NRXN1: variants seen among roughly 807,000 people sequenced by gnomAD.
NRXN1 encodes the protein neurexin 1.
In NRXN1, 39 loss-of-function variants were observed where a neutral mutation model predicts 150.9. That is an observed-to-expected ratio of 0.26 (90% CI 0.20 to 0.34). NRXN1 has a LOEUF of 0.34. Among genes scored for constraint, NRXN1 ranks in the 10% least tolerant of loss-of-function variants. The probability of loss-of-function intolerance (pLI) is 1.00; values close to 1 mark genes in which losing one functional copy is unlikely to be tolerated. For synonymous variants in NRXN1, 924 were observed against 757.0 expected (o/e 1.22, Z -3.62); for missense variants, 1,815 against 1,949.9 (o/e 0.93, Z 1.30).
intron 5 of NRXN1, among the ~76,000 whole-genome samples, chr2:50,736,612 T>C (rs1341099459): frequency 6.6e-6 from 1 of 152,112 alleles, no homozygotes; most frequent in African/African-American, 2.4e-5. Flanking sequence ...TCTCACAAGA[T>C]CTGATGGTTT....
At chr2:50,846,024 T>C (rs1482507223) in intron 5 of NRXN1, among the ~76,000 whole-genome samples, 2 of 152,214 alleles carry the variant, frequency 1.3e-5, no homozygotes, top group African/African-American at 4.8e-5. Context: ...GTGTTGTTTT[T>C]CACATTAAAA....
At chr2:50,472,213 A>T (rs1022906654) in intron 16 of NRXN1, 85 bp downstream of exon 16, 1 of 1,202,270 alleles carries the variant, frequency 8.3e-7, no homozygotes, top group Non-Finnish European at 1.1e-6. Context: ...ACCAGTTATC[A>T]GAATTTTGCT....
chr2:49,950,181 C>T (rs1293000630), intron 21 of NRXN1, among the ~76,000 whole-genome samples: 3 of 151,768 alleles, frequency 2.0e-5, no homozygotes, highest in African/African-American at 7.3e-5. Flanking sequence ...TCCCAAATTG[C>T]GGTCTATTTG....
intron 2 of NRXN1, among the ~76,000 whole-genome samples, chr2:50,931,869 T>A (rs920824979): frequency 7.2e-5 from 11 of 152,086 alleles, no homozygotes; most frequent in African/African-American, 2.2e-4. Context: ...AAATATTATT[T>A]TTTTTTTCTG....
intron 5 of NRXN1, among the ~76,000 whole-genome samples, chr2:50,708,131 A>G (rs1346400899): frequency 6.6e-6 from 1 of 152,206 alleles, no homozygotes; most frequent in Non-Finnish European, 1.5e-5. Context: ...CCAACACTCA[A>G]GATTAGAACT....
At chr2:50,377,285 C>A (rs1310469002) in intron 17 of NRXN1, among the ~76,000 whole-genome samples, 1 of 152,058 alleles carries the variant, frequency 6.6e-6, no homozygotes, top group Non-Finnish European at 1.5e-5. Context: ...GTGTGTTATT[C>A]TCCTCCCTGT....
chr2:50,676,332 C>T (rs764169154), intron 5 of NRXN1, among the ~76,000 whole-genome samples: 9 of 152,094 alleles, frequency 5.9e-5, no homozygotes, highest in Non-Finnish European at 1.2e-4. Flanking sequence ...ATAACCCACC[C>T]TTAGGTATTC....
At chr2:50,791,109 T>C (rs1335693586) in intron 5 of NRXN1, among the ~76,000 whole-genome samples, 1 of 147,936 alleles carries the variant, frequency 6.8e-6, no homozygotes, top group East Asian at 2.0e-4. Flanking sequence ...CAGCAATAAG[T>C]AAATGCAATC....
At chr2:50,374,120 G>A (rs2080310200) in intron 17 of NRXN1, among the ~76,000 whole-genome samples, 1 of 150,742 alleles carries the variant, frequency 6.6e-6, no homozygotes, top group African/African-American at 2.4e-5. Context: ...GCAAGACCTC[G>A]TCTCTATTTC....
intron 17 of NRXN1, among the ~76,000 whole-genome samples, chr2:50,437,785 A>G (rs4971676): frequency 0.17 from 25,516 of 152,002 alleles, 2,741 homozygotes; most frequent in East Asian, 0.41. Context: ...TACTAATACA[A>G]CGCTGGTCAC....
chr2:50,023,187 T>A (rs1184734750), intron 21 of NRXN1: 1 of 152,200 alleles, frequency 6.6e-6, no homozygotes, highest in Non-Finnish European at 1.5e-5. Context: ...TTTCTCTCAT[T>A]CTTCCTGGAA....
intron 5 of NRXN1, among the ~76,000 whole-genome samples, chr2:50,662,664 C>T (rs1394961823): frequency 2.0e-5 from 3 of 151,794 alleles, no homozygotes; most frequent in Non-Finnish European, 4.4e-5. Flanking sequence ...ATTCTTCTTC[C>T]AATGTGGTCA....
At chr2:50,033,923 T>C (rs1413246987) in intron 21 of NRXN1, among the ~76,000 whole-genome samples, 1 of 145,308 alleles carries the variant, frequency 6.9e-6, no homozygotes, top group South Asian at 2.1e-4. Flanking sequence ...AAAACCACAA[T>C]GAGATACCAT....
intron 18 of NRXN1, among the ~76,000 whole-genome samples, chr2:50,218,231 C>A (rs1429669394): frequency 6.6e-6 from 1 of 152,070 alleles, no homozygotes; most frequent in African/African-American, 2.4e-5. Context: ...ATCTCATCCA[C>A]ATTTCTATCC....
intron 22 of NRXN1, among the ~76,000 whole-genome samples, chr2:49,935,895 C>G (rs1670943063): frequency 6.6e-6 from 1 of 152,198 alleles, no homozygotes; most frequent in Non-Finnish European, 1.5e-5. Flanking sequence ...CTACATTCCT[C>G]CCTTCAAGGT....
chr2:50,666,344 T>C (rs545762643), intron 5 of NRXN1, among the ~76,000 whole-genome samples: 1 of 152,084 alleles, frequency 6.6e-6, no homozygotes, highest in South Asian at 2.1e-4. Flanking sequence ...GTCACAAACA[T>C]TCAAAAACAA....
At chr2:50,787,474 A>G (rs1705291826) in intron 5 of NRXN1, among the ~76,000 whole-genome samples, 1 of 151,874 alleles carries the variant, frequency 6.6e-6, no homozygotes, top group Non-Finnish European at 1.5e-5. Context: ...GGACAGGAGA[A>G]TCGCTTGAAC....
intron 21 of NRXN1, among the ~76,000 whole-genome samples, chr2:50,041,002 C>T (rs1690854826): frequency 6.6e-6 from 1 of 152,102 alleles, no homozygotes; most frequent in Admixed American, 6.6e-5. Flanking sequence ...TCTCCTAATG[C>T]TATCCCTCCT....
intron 8 of NRXN1, among the ~76,000 whole-genome samples, chr2:50,614,602 G>A (rs565111064): frequency 6.1e-5 from 9 of 148,678 alleles, no homozygotes; most frequent in Admixed American, 1.3e-4. Flanking sequence ...AAACCTGCAC[G>A]TTGTACACAC....
Sources: allele counts gnomAD v4.1 joint callset (sites outside exome capture counted in the v4.1 genomes callset), GRCh38; gene constraint gnomAD v4.1.1; transcripts MANE v1.5; gene names NCBI Gene and HGNC (gene_info 2026-07-23, HGNC 2026-07-21).